Variants in ADD1 observed in about 807,000 individuals in gnomAD.
ADD1 encodes alpha-adducin.
ADD1 carries 24 observed loss-of-function variants against 80.5 expected under a neutral mutation model. The observed-to-expected ratio is 0.30, with a 90% CI of 0.22 to 0.42. The LOEUF (loss-of-function observed/expected upper bound fraction) is 0.42, where lower values mean the gene tolerates loss of function less well. Among genes scored for constraint, ADD1 ranks in the 10% least tolerant of loss-of-function variants. The pLI, the probability that ADD1 is intolerant of heterozygous loss-of-function variation, is 1.00. For missense variants in ADD1, 948 were observed against 1,019.0 expected, an observed-to-expected ratio of 0.93 and a Z score of 0.95; for synonymous variants, 373 against 393.8, an observed-to-expected ratio of 0.95 and a Z score of 0.63.
intron 8 of ADD1, chr4:2,898,749 T>A (rs1735681725): frequency 1.8e-6 from 1 of 557,218 alleles, no homozygotes; most frequent in African/African-American, 1.9e-5. Context: ...ATTTTTAAAT[T>A]TTCAAATATG....
intron 2 of ADD1, 52 bp from the exon 3 acceptor site, chr4:2,881,846 C>T: frequency 1.3e-6 from 2 of 1,512,038 alleles, no homozygotes; most frequent in Non-Finnish European, 1.8e-6. Context: ...TGACCCCCTG[C>T]CCAAGGAACA....
At chr4:2,874,342 A>C (rs73082333) in intron 1 of ADD1, among the ~76,000 whole-genome samples, 34,720 of 152,114 alleles carry the variant, frequency 0.23, 4,184 homozygotes, top group East Asian at 0.48. Context: ...GGCGGTGGCT[A>C]ACGCCTATAA....
At chr4:2,923,408 T>C in intron 14 of ADD1, among the ~76,000 whole-genome samples, 1 of 152,220 alleles carries the variant, frequency 6.6e-6, no homozygotes, top group East Asian at 1.9e-4. Context: ...CCCGACTCCT[T>C]GCACTTCCTG....
At chr4:2,854,431 T>A (rs1157641942) in intron 1 of ADD1, among the ~76,000 whole-genome samples, 1 of 152,246 alleles carries the variant, frequency 6.6e-6, no homozygotes, top group African/African-American at 2.4e-5. Flanking sequence ...TTTGCTTGCA[T>A]TGCTCATATT....
At chr4:2,893,451 C>T (rs1043348257) in intron 4 of ADD1, among the ~76,000 whole-genome samples, 7 of 151,928 alleles carry the variant, frequency 4.6e-5, no homozygotes, top group Non-Finnish European at 4.4e-5. Flanking sequence ...TGTCTCTATA[C>T]AAAATACAAT....
chr4:2,844,492 C>G (rs939611444), intron 1 of ADD1: 3 of 152,350 alleles, frequency 2.0e-5, no homozygotes, highest in South Asian at 2.1e-4. Context: ...CCATATCTGC[C>G]GACGGACGCT....
chr4:2,864,523 T>G (rs1221121078), intron 1 of ADD1, among the ~76,000 whole-genome samples: 1 of 152,262 alleles, frequency 6.6e-6, no homozygotes, highest in African/African-American at 2.4e-5. Flanking sequence ...GTTCCAACAG[T>G]GTCCTCTGTT....
intron 1 of ADD1, among the ~76,000 whole-genome samples, chr4:2,861,948 A>C (rs894220419): frequency 6.6e-6 from 1 of 152,206 alleles, no homozygotes; most frequent in African/African-American, 2.4e-5. Flanking sequence ...TTCATCAACT[A>C]TCATTAGTGT....
rs759674972 is a variant in ADD1, at chr4:2,884,656, A to G, written c.500A>G (p.Asn167Ser). ...DLFGWSQLIY[N>S]HITTRVNSEQ... ...TTTGGGTGGTCTCAGCTTATCTACA[A>G]TCATATCACAGTGAGTATTAAATGG... is the stretch of plus-strand genomic sequence containing the variant. The change falls in exon 4 of 16, where the codon AAT becomes AGT. Residue 167 changes from asparagine to serine, a missense_variant. Coordinates refer to ENST00000683351, the MANE Select transcript of ADD1 (RefSeq NM_001354761.2). The G allele has an allele frequency of 3.3e-5, 53 of 1,607,446 alleles. No individual in the cohort carries two copies. Among genetic ancestry groups the G allele is most frequent in the Middle Eastern group, 1.7e-4 (1 of 6,060 alleles).
chr4:2,910,680 A>G (rs1345708037), intron 13 of ADD1, among the ~76,000 whole-genome samples: 1 of 152,192 alleles, frequency 6.6e-6, no homozygotes, highest in Non-Finnish European at 1.5e-5. Flanking sequence ...GCCGTGTTCA[A>G]CCACCAGTTA....
In ADD1 at chr4:2,928,140, C is replaced by A. The variant is rs1452930554; in HGVS notation, c.2048-31C>A. 5 of 1,601,396 alleles carry A rather than the reference C, an allele frequency of 3.1e-6. No homozygotes were observed. In the African/African-American group the frequency reaches 6.7e-5, roughly 21 times the overall value. On this transcript the variant is annotated intron_variant, in intron 15 of 15. Transcript: ENST00000683351. ...TGCCCTTTGAGATCTGGGCAGGAAC[C>A]CTTAATCCCATCTCTCACCTCACCC...
intron 1 of ADD1, among the ~76,000 whole-genome samples, chr4:2,857,561 T>C (rs1728265561): frequency 6.6e-6 from 1 of 152,142 alleles, no homozygotes; most frequent in Admixed American, 6.5e-5. Context: ...TGAGCTGAGA[T>C]TGTGCCACTG....
At chr4:2,905,210 A>G in intron 10 of ADD1, 102 bp downstream of exon 10, 1 of 1,066,864 alleles carries the variant, frequency 9.4e-7, no homozygotes, top group East Asian at 2.5e-5. Flanking sequence ...CCCAGGTGTA[A>G]AGCGAACCTT....
At chr4:2,865,907 T>G (rs1313396118) in intron 1 of ADD1, among the ~76,000 whole-genome samples, 1 of 152,230 alleles carries the variant, frequency 6.6e-6, no homozygotes, top group African/African-American at 2.4e-5. Context: ...TGCCAGAAGA[T>G]AAGTCAAATT....
chr4:2,883,137 C>T (rs1051447767), intron 3 of ADD1, among the ~76,000 whole-genome samples: 1 of 152,150 alleles, frequency 6.6e-6, no homozygotes, highest in Admixed American at 6.5e-5. Flanking sequence ...GCTGGGATTA[C>T]GAACATGAGC....
chr4:2,905,794 C>T (rs1365438651), intron 10 of ADD1: 4 of 152,960 alleles, frequency 2.6e-5, no homozygotes, highest in African/African-American at 7.2e-5. Flanking sequence ...AGGGGTGCTT[C>T]GTTTCAGCGT....
chr4:2,902,453 T>C (rs1736342768), intron 9 of ADD1: 1 of 152,206 alleles, frequency 6.6e-6, no homozygotes, highest in South Asian at 2.1e-4. Context: ...TTTAAAAAAA[T>C]GTAGGCCGGT....
At chr4:2,914,470 G>A (rs1421226165) in intron 13 of ADD1, among the ~76,000 whole-genome samples, 4 of 152,206 alleles carry the variant, frequency 2.6e-5, no homozygotes, top group East Asian at 1.9e-4. Flanking sequence ...CATGCCTTAC[G>A]CTGAGTGCTG....
rs993102502 is a variant in ADD1, at chr4:2,920,733, G to A, written c.1949-5281G>A. Among the ~76,000 whole-genome samples, 12 of 147,064 alleles carry A rather than the reference G, an allele frequency of 8.2e-5. No individual in the cohort carries two copies. The East Asian group carries it at 1.2e-3, about 15-fold the overall frequency. ...TTATTTTGAGCCAGTGCATATCTTC[G>A]CATGTGAGACAGGTCTCCTGAATAC... On this transcript the variant is annotated intron_variant, in intron 14 of 15. Coordinates refer to ENST00000683351, the MANE Select transcript of ADD1 (RefSeq NM_001354761.2).
Sources: gnomAD v4.1 joint callset for allele counts (sites outside exome capture counted in the v4.1 genomes callset) on GRCh38, gnomAD v4.1.1 for gene constraint, MANE v1.5 for transcripts, NCBI Gene and HGNC (gene_info 2026-07-23, HGNC 2026-07-21) for gene names.